AGAP1: variants seen among roughly 807,000 people sequenced by gnomAD.
AGAP1 encodes arf-GAP with GTPase, ANK repeat and PH domain-containing protein 1.
A neutral mutation model predicts 105.3 loss-of-function variants in AGAP1; 29 were observed. The observed-to-expected ratio is 0.28, with a 90% CI of 0.21 to 0.38. The LOEUF (loss-of-function observed/expected upper bound fraction) is 0.38, where lower values mean the gene tolerates loss of function less well. AGAP1 is among the 10% of genes least tolerant of loss of function. AGAP1 has a pLI of 1.00. For missense variants in AGAP1, 998 were observed against 1,165.1 expected (o/e 0.86, Z 2.09); for synonymous variants, 509 against 485.9 (o/e 1.05, Z -0.63).
rs1236500158 is a variant in AGAP1, at chr2:235,601,009, T to G, written c.163+106160T>G. Among the ~76,000 whole-genome samples the G allele has an allele frequency of 1.3e-5, 2 of 152,174 alleles. No homozygotes were observed. Among genetic ancestry groups the G allele is most frequent in the Admixed American group, 1.3e-4 (2 of 15,284 alleles). On this transcript the variant is annotated intron_variant, in intron 1 of 17. Transcript: ENST00000304032. This position sits in a 1 kb window ranked among gnomAD's most constrained non-coding sequence, Gnocchi z 4.4. ...CTCAGAGTCCTGGTAACGCCTCTCCTCTTCTCACTGCCTTCAGTATCCAGC... is the reference window on the plus strand; with the variant it reads ...CTCAGAGTCCTGGTAACGCCTCTCCGCTTCTCACTGCCTTCAGTATCCAGC...
chr2:235,679,251 G>T (rs537266008), intron 1 of AGAP1, among the ~76,000 whole-genome samples: 1 of 152,284 alleles, frequency 6.6e-6, no homozygotes, highest in East Asian at 1.9e-4. Flanking sequence ...TCACTGTGCA[G>T]CCCAGCACCA....
intron 6 of AGAP1, among the ~76,000 whole-genome samples, chr2:235,762,854 C>CA (rs1396290268): frequency 6.6e-6 from 1 of 152,062 alleles, no homozygotes; most frequent in Admixed American, 6.6e-5. Flanking sequence ...GCCTGGGAGA[C>CA]AGAGTGAGAC....
At chr2:235,508,455 A>G (rs940747993) in intron 1 of AGAP1, among the ~76,000 whole-genome samples, 7 of 152,358 alleles carry the variant, frequency 4.6e-5, no homozygotes, top group Admixed American at 3.9e-4. Flanking sequence ...TGAAACTCAC[A>G]TTCACGCTCG....
At chr2:236,070,737 G>A (rs1006498565) in intron 16 of AGAP1, among the ~76,000 whole-genome samples, 4 of 152,166 alleles carry the variant, frequency 2.6e-5, no homozygotes, top group African/African-American at 7.2e-5. Context: ...CAATCCATAC[G>A]GACAGAAAGT....
At chr2:235,698,857 T>C (rs113845232) in intron 1 of AGAP1, among the ~76,000 whole-genome samples, 3,730 of 152,346 alleles carry the variant, frequency 0.024, 54 homozygotes, top group Middle Eastern at 0.041. Flanking sequence ...CTTCCCACTT[T>C]AGATAGAAGC....
intron 3 of AGAP1, among the ~76,000 whole-genome samples, chr2:235,738,937 A>G (rs1409876868): frequency 6.6e-6 from 1 of 152,186 alleles, no homozygotes; most frequent in African/African-American, 2.4e-5. Context: ...CTCTTTTTAA[A>G]AAGTTTTTTT....
At chr2:235,681,961 TGCCTCA>T (rs1260108134) in intron 1 of AGAP1, among the ~76,000 whole-genome samples, 2 of 148,396 alleles carry the variant, frequency 1.3e-5, no homozygotes, top group African/African-American at 5.0e-5. Flanking sequence ...AGCAATTCTC[TGCCTCA>T]GCCTCCCAAG....
chr2:235,585,110 G>A (rs1048219679), intron 1 of AGAP1, among the ~76,000 whole-genome samples: 3 of 151,812 alleles, frequency 2.0e-5, no homozygotes, highest in African/African-American at 7.3e-5. Context: ...TCTTGGCTGT[G>A]GATTCATTTC....
At position 235,582,381 on chromosome 2, in the gene AGAP1, G is replaced by T. The variant is rs894175370; in HGVS notation, c.163+87532G>T. ...ATTGCTTGTCCTTTGCAGTGTGCTG[G>T]ACAGGAGCCACACAGTGTAGAAGCG... On this transcript the variant is annotated intron_variant, in intron 1 of 17. Transcript: ENST00000304032. The surrounding 1 kb of genome is among the most constrained non-coding windows in gnomAD (Gnocchi z 4.7). Among the ~76,000 whole-genome samples, 3 of 152,148 alleles carry T rather than the reference G, an allele frequency of 2.0e-5. No homozygotes were observed. Among genetic ancestry groups the T allele is most frequent in the African/African-American group, 4.8e-5 (2 of 41,434 alleles).
In AGAP1 at chr2:235,712,064, A is replaced by T. The variant is rs1950885550; in HGVS notation, c.222+2827A>T. Among the ~76,000 whole-genome samples, 1 of 151,624 alleles carries T rather than the reference A, an allele frequency of 6.6e-6. No individual in the cohort carries two copies. Among genetic ancestry groups the T allele is most frequent in the Non-Finnish European group, 1.5e-5 (1 of 67,966 alleles). ...TTTTGTTACGGGGTCTCACTCTGTC[A>T]CCCAGGCTGGAGTGCAGTGGCGCCA... On this transcript the variant is annotated intron_variant, in intron 2 of 17. Transcript: ENST00000304032. The surrounding 1 kb of genome is among the most constrained non-coding windows in gnomAD (Gnocchi z 6.0).
At chr2:235,980,078 T>C (rs1230222150) in intron 13 of AGAP1, among the ~76,000 whole-genome samples, 1 of 152,230 alleles carries the variant, frequency 6.6e-6, no homozygotes, top group African/African-American at 2.4e-5. Context: ...ATTACAGTAC[T>C]GTGGACCTTG....
chr2:235,983,085 C>G lies in AGAP1; in HGVS notation c.1645+14462C>G, dbSNP rs1178413958. 1.3e-5 allele frequency among the ~76,000 whole-genome samples: 2 copies of G among 152,202 alleles called. No homozygotes were observed. The highest frequency in any genetic ancestry group is 2.9e-5 in the Non-Finnish European group (2 of 68,032). ...AGCCTGGTCTGTGGAGGTGTGCTCA[C>G]TGCTGCAGGGCCATTTGCTGAGCAG... On this transcript the variant is annotated intron_variant, in intron 13 of 17. Coordinates refer to ENST00000304032, the MANE Select transcript of AGAP1 (RefSeq NM_001037131.3). This position sits in a 1 kb window ranked among gnomAD's most constrained non-coding sequence, Gnocchi z 4.5.
At chr2:235,755,482 C>G (rs1039807433) in intron 6 of AGAP1, among the ~76,000 whole-genome samples, 7 of 152,172 alleles carry the variant, frequency 4.6e-5, no homozygotes, top group African/African-American at 1.7e-4. Flanking sequence ...TCTCTGTCAC[C>G]CAGGTTGGAG....
intron 12 of AGAP1, among the ~76,000 whole-genome samples, chr2:235,943,980 T>G (rs1274238233): frequency 1.3e-5 from 2 of 152,208 alleles, no homozygotes; most frequent in Non-Finnish European, 2.9e-5. Context: ...TACTAAAAAT[T>G]TTATATCACA....
intron 16 of AGAP1, among the ~76,000 whole-genome samples, chr2:236,063,732 G>GCC (rs531804429): frequency 2.0e-5 from 3 of 152,232 alleles, no homozygotes; most frequent in Non-Finnish European, 4.4e-5. Context: ...GACAAAGCAA[G>GCC]CCACTCCTGG....
chr2:235,821,849 G>A (rs1575554855), intron 9 of AGAP1, among the ~76,000 whole-genome samples: 2 of 152,126 alleles, frequency 1.3e-5, no homozygotes, highest in African/African-American at 4.8e-5. Context: ...CAAGTCTTAT[G>A]TCCATGACCT....
Position 235,569,436 on chromosome 2 carries a change from C to G in AGAP1, c.163+74587C>G, listed in dbSNP as rs552588835. 6.6e-6 allele frequency among the ~76,000 whole-genome samples: 1 copy of G among 152,294 alleles called. No homozygotes were observed. The highest frequency in any genetic ancestry group is 1.9e-4 in the East Asian group (1 of 5,182). ...GCCTTCCAAAGTAGGCTTCGGGATT[C>G]AGTTTTACAGATAGGGAAACTTAGG... On this transcript the variant is annotated intron_variant, in intron 1 of 17. Coordinates refer to ENST00000304032, the MANE Select transcript of AGAP1 (RefSeq NM_001037131.3). This position sits in a 1 kb window ranked among gnomAD's most constrained non-coding sequence, Gnocchi z 5.9.
chr2:235,644,825 G>A (rs1018786015), intron 1 of AGAP1, among the ~76,000 whole-genome samples: 1 of 152,092 alleles, frequency 6.6e-6, no homozygotes, highest in Non-Finnish European at 1.5e-5. Context: ...TGTCAGCTTC[G>A]CTGTCTTTCA....
intron 6 of AGAP1, among the ~76,000 whole-genome samples, chr2:235,776,010 T>A (rs1473205536): frequency 6.6e-6 from 1 of 152,174 alleles, no homozygotes; most frequent in African/African-American, 2.4e-5. Flanking sequence ...ATTTTCCTAG[T>A]TTAATAGGAA....
Sources: gnomAD v4.1 joint callset for allele counts (sites outside exome capture counted in the v4.1 genomes callset) on GRCh38, gnomAD v4.1.1 for gene constraint, Gnocchi (gnomAD v3.1) non-coding constraint, MANE v1.5 for transcripts, NCBI Gene and HGNC (gene_info 2026-07-23, HGNC 2026-07-21) for gene names.